The following TIAM1 variants were observed in gnomAD, a reference collection of about 807,000 sequenced individuals.
TIAM1 encodes TIAM Rac1 associated GEF 1.
A neutral mutation model predicts 163.5 loss-of-function variants in TIAM1; 65 were observed. The ratio of observed to expected loss-of-function variants is 0.40; its 90% CI spans 0.33 to 0.49. The LOEUF (loss-of-function observed/expected upper bound fraction) is 0.49, where lower values mean the gene tolerates loss of function less well. Ranked by LOEUF, TIAM1 falls within the 20% of genes least tolerant of loss-of-function variation. The probability of loss-of-function intolerance (pLI) is 0.77; values close to 1 mark genes in which losing one functional copy is unlikely to be tolerated. For missense variants in TIAM1, 1,789 were observed against 2,044.7 expected (o/e 0.87, Z 2.41); for synonymous variants, 833 against 810.1 (o/e 1.03, Z -0.48).
At chr21:31,464,392 T>C (rs1441450105) in intron 1 of TIAM1, among the ~76,000 whole-genome samples, 1 of 152,162 alleles carries the variant, frequency 6.6e-6, no homozygotes, top group African/African-American at 2.4e-5. Flanking sequence ...TTTTATTCTA[T>C]TTTTATTTTT....
chr21:31,339,234 C>A lies in TIAM1; in HGVS notation c.-189+9G>T. The A allele has an allele frequency of 2.5e-6, 1 of 398,184 alleles. No homozygotes were observed. 24.7% of individuals were successfully genotyped at this position (398,184 alleles called of 1,614,324 possible). A position where few individuals can be genotyped will look rare whatever the true frequency, so the allele number is the denominator to read the frequency against. On this transcript the variant is annotated intron_variant, in intron 2 of 27. Transcript: ENST00000541036. ...TCATTCCCCAGCCTTTTGCAAACGC[C>A]ACACTTACCCCATTGGAAACAGAAG...
chr21:31,213,011 C>A (rs1381426026), intron 10 of TIAM1: 3 of 175,030 alleles, frequency 1.7e-5, no homozygotes, highest in African/African-American at 4.8e-5. Context: ...CTAATGGGAG[C>A]AAAACAGCAT....
intron 2 of TIAM1, among the ~76,000 whole-genome samples, chr21:31,455,450 T>C (rs1327423775): frequency 2.6e-5 from 4 of 151,480 alleles, no homozygotes; most frequent in Non-Finnish European, 5.9e-5. Flanking sequence ...CTCACTCTTG[T>C]CGCCCACACT....
In TIAM1 at chr21:31,154,304, T is replaced by G; in HGVS notation, c.3114A>C (p.Ala1038=). ...CGCAGATCACCTTGCGCAGCTTATC[T>G]GCATCCGAGAGTTGTCTCATGGTCG... ...QLATMRQLSD[A]DKLRKVICEL... Residue 1038 remains alanine (A), a synonymous_variant, in exon 17 of 28, where the codon GCA becomes GCC. Transcript: ENST00000541036. 6.2e-7 allele frequency: 1 copy of G among 1,614,054 alleles called. No individual in the cohort carries two copies. Among genetic ancestry groups the G allele is most frequent in the Non-Finnish European group, 8.5e-7 (1 of 1,179,988 alleles).
chr21:31,234,658 G>A (rs1026005421), intron 6 of TIAM1, among the ~76,000 whole-genome samples: 1 of 152,016 alleles, frequency 6.6e-6, no homozygotes, highest in African/African-American at 2.4e-5. Context: ...GTGTGCACCT[G>A]TCATCCCAGA....
chr21:31,471,182 C>A (rs1056472825), intron 1 of TIAM1, among the ~76,000 whole-genome samples: 2 of 152,212 alleles, frequency 1.3e-5, no homozygotes, highest in Non-Finnish European at 2.9e-5. Context: ...GCGGACCACA[C>A]AGGAAATGCC....
chr21:31,438,920 T>C (rs1188772422), intron 2 of TIAM1, among the ~76,000 whole-genome samples: 1 of 152,218 alleles, frequency 6.6e-6, no homozygotes, highest in Admixed American at 6.5e-5. Flanking sequence ...GAAGGCAGTT[T>C]CATCCCCAGT....
At chr21:31,517,239 G>C (rs754127063) in intron 1 of TIAM1, among the ~76,000 whole-genome samples, 1 of 151,978 alleles carries the variant, frequency 6.6e-6, no homozygotes, top group Non-Finnish European at 1.5e-5. Context: ...TCTGTGTAAA[G>C]AGCTTTAAAA....
intron 2 of TIAM1, among the ~76,000 whole-genome samples, chr21:31,420,679 T>C (rs116527487): frequency 4.3e-3 from 656 of 152,266 alleles, no homozygotes; most frequent in African/African-American, 0.015. Flanking sequence ...CAGAGTAGAA[T>C]TGCTTTCAGA....
Position 31,310,453 on chromosome 21 carries a change from C to T in TIAM1, c.-189+28790G>A, listed in dbSNP as rs543587750. ...GAAGCCACTGAAATTCCGGGTTGTG[C>T]GTTACAAGAGTCAGCCACCCTGGGT... is the stretch of plus-strand genomic sequence containing the variant. On this transcript the variant is annotated intron_variant, in intron 2 of 27. Transcript: ENST00000541036. Among the ~76,000 whole-genome samples the T allele has an allele frequency of 1.9e-4, 29 of 152,256 alleles. No homozygotes were observed. The South Asian group carries it at 5.2e-3, about 27-fold the overall frequency.
At chr21:31,317,225 AG>A in intron 2 of TIAM1, among the ~76,000 whole-genome samples, 1 of 149,140 alleles carries the variant, frequency 6.7e-6, no homozygotes, top group East Asian at 2.0e-4. Flanking sequence ...GAGGCCGAAG[AG>A]GGTGGATCAC....
chr21:31,386,282 T>C (rs2076869534), intron 2 of TIAM1, among the ~76,000 whole-genome samples: 1 of 151,976 alleles, frequency 6.6e-6, no homozygotes, highest in Non-Finnish European at 1.5e-5. Flanking sequence ...GCTCCTGGTC[T>C]CCCCTATCCT....
Position 31,169,378 on chromosome 21 carries a change from G to C in TIAM1, c.2888-4313C>G, listed in dbSNP as rs569852592. Reference sequence around the variant, plus strand: ...ACCAGGTAAATTAATAGAATTTTTAGAAATAGAAACTATAACCAATGAAAT... The same window carrying C: ...ACCAGGTAAATTAATAGAATTTTTACAAATAGAAACTATAACCAATGAAAT... On this transcript the variant is annotated intron_variant, in intron 15 of 27. Coordinates refer to ENST00000541036, the MANE Select transcript of TIAM1 (RefSeq NM_001353694.2). 1.7e-4 allele frequency among the ~76,000 whole-genome samples: 26 copies of C among 152,140 alleles called. 1 individual carries two copies. In the South Asian group the frequency reaches 4.6e-3, roughly 27 times the overall value.
chr21:31,182,384 A>G, intron 15 of TIAM1, 37 bp downstream of exon 15: 2 of 1,464,890 alleles, frequency 1.4e-6, no homozygotes, highest in Non-Finnish European at 1.8e-6. Context: ...GGCACAACGG[A>G]GTTCAGACTC....
intron 2 of TIAM1, among the ~76,000 whole-genome samples, chr21:31,445,542 G>A (rs1470184932): frequency 1.3e-5 from 2 of 152,100 alleles, no homozygotes; most frequent in East Asian, 1.9e-4. Context: ...CCAATTAATA[G>A]GGACACAGCT....
chr21:31,158,756 C>T (rs945971976), intron 16 of TIAM1, among the ~76,000 whole-genome samples: 1 of 152,144 alleles, frequency 6.6e-6, no homozygotes, highest in African/African-American at 2.4e-5. Flanking sequence ...TTTTTCCATA[C>T]TGTGGGGCTC....
chr21:31,529,576 G>A (rs2047908335), intron 1 of TIAM1, among the ~76,000 whole-genome samples: 1 of 152,204 alleles, frequency 6.6e-6, no homozygotes. Context: ...CTTTCAGGGA[G>A]TTTAAGACCT....
intron 2 of TIAM1, among the ~76,000 whole-genome samples, chr21:31,280,355 G>C (rs144018522): frequency 1.3e-5 from 2 of 152,144 alleles, no homozygotes; most frequent in African/African-American, 2.4e-5. Flanking sequence ...TTCCCTGCAC[G>C]AGCTCTCTCT....
At chr21:31,532,518 T>G (rs1318451077) in intron 1 of TIAM1, among the ~76,000 whole-genome samples, 2 of 152,260 alleles carry the variant, frequency 1.3e-5, no homozygotes, top group African/African-American at 4.8e-5. Context: ...AGAGCTATTG[T>G]TACTCACAAT....
Sources: allele counts gnomAD v4.1 joint callset (sites outside exome capture counted in the v4.1 genomes callset), GRCh38; gene constraint gnomAD v4.1.1; transcripts MANE v1.5; gene names NCBI Gene and HGNC (gene_info 2026-07-23, HGNC 2026-07-21).